The following CDH11 variants were observed in gnomAD, a reference collection of about 807,000 sequenced individuals.
The protein encoded by CDH11 is cadherin 11.
Under a neutral mutation model 67.8 loss-of-function variants are expected in CDH11, and 11 were observed. The observed-to-expected ratio is 0.16, with a 90% CI of 0.10 to 0.27. The LOEUF is 0.27. Ranked by LOEUF, CDH11 falls within the 10% of genes least tolerant of loss-of-function variation. The pLI is 1.00. For missense variants in CDH11, 847 were observed against 1,031.2 expected, an observed-to-expected ratio of 0.82 and a Z score of 2.45; for synonymous variants, 419 against 400.0, an observed-to-expected ratio of 1.05 and a Z score of -0.57.
rs1450832551 is a variant in CDH11, at chr16:65,121,762, T to TA, written c.-298+117dup. ...GTTAGTGAAGCCTTCTCGACTCAGATACCACCGTCCCCCTCACCACCCCGC... is the reference window on the plus strand; with the variant it reads ...GTTAGTGAAGCCTTCTCGACTCAGATAACCACCGTCCCCCTCACCACCCCGC... On this transcript the variant is annotated intron_variant, in intron 1 of 12. Coordinates refer to ENST00000268603, the MANE Select transcript of CDH11 (RefSeq NM_001797.4). This position sits in a 1 kb window ranked among gnomAD's most constrained non-coding sequence, Gnocchi z 4.1. 4.3e-6 allele frequency: 3 copies of TA among 695,912 alleles called. No homozygotes were observed. In the African/African-American group the frequency reaches 5.3e-5, roughly 12 times the overall value. The allele number at this position is 695,912 out of a possible 1,614,324, so 43.1% of individuals were successfully genotyped here.
At chr16:65,098,621 C>T (rs564188840) in intron 1 of CDH11, among the ~76,000 whole-genome samples, 1 of 152,200 alleles carries the variant, frequency 6.6e-6, no homozygotes, top group Admixed American at 6.5e-5. Context: ...CCACCTTGGC[C>T]TCACAAGTTG....
intron 5 of CDH11, among the ~76,000 whole-genome samples, chr16:64,992,672 T>G (rs996612973): frequency 1.3e-5 from 2 of 152,156 alleles, no homozygotes; most frequent in African/African-American, 4.8e-5. Flanking sequence ...TAAAGTTGAG[T>G]TTTTAGATTA....
intron 1 of CDH11, among the ~76,000 whole-genome samples, chr16:65,100,386 G>A (rs1323699032): frequency 1.3e-5 from 2 of 151,808 alleles, no homozygotes; most frequent in Non-Finnish European, 2.9e-5. Flanking sequence ...AGGCTGAGAT[G>A]AGTGACCAAC....
intron 8 of CDH11, among the ~76,000 whole-genome samples, chr16:64,973,884 CAGTT>C (rs1289189575): frequency 6.6e-6 from 1 of 152,074 alleles, no homozygotes; most frequent in Non-Finnish European, 1.5e-5. Flanking sequence ...CAGGGGTTCT[CAGTT>C]AGCTTGGCTC....
intron 1 of CDH11, among the ~76,000 whole-genome samples, chr16:65,058,012 A>C (rs995091514): frequency 1.3e-5 from 2 of 152,136 alleles, no homozygotes; most frequent in Non-Finnish European, 2.9e-5. Flanking sequence ...AGGCAGGAGG[A>C]TCACATGAGC....
rs2071217626 is a variant in CDH11 at position 64,947,243 on chromosome 16, G to T, written c.*360C>A. 9.1e-7 allele frequency: 1 copy of T among 1,104,572 alleles called. No homozygotes were observed. Among genetic ancestry groups the T allele is most frequent in the Non-Finnish European group, 1.1e-6 (1 of 902,490 alleles). 68.4% of individuals were successfully genotyped at this position (1,104,572 alleles called of 1,614,324 possible). ...TGTTGTCCTTTCTAATTTTGTGGAA[G>T]CTTCTTTGACAACTTAAAAAAGAAG... On this transcript the variant is annotated 3_prime_UTR_variant, in exon 13 of 13. Transcript: ENST00000268603.
In CDH11 at chr16:65,061,051, C is replaced by A. The variant is rs77964831; in HGVS notation, c.-297-7123G>T. 2.7e-3 allele frequency among the ~76,000 whole-genome samples: 415 copies of A among 152,340 alleles called. 21 individuals carry two copies. The East Asian group carries it at 0.065, about 24-fold the overall frequency. On this transcript the variant is annotated intron_variant, in intron 1 of 12. Coordinates refer to ENST00000268603, the MANE Select transcript of CDH11 (RefSeq NM_001797.4). ...GTGTGACTTTGATGGAAATTCTCCT[C>A]AGTACCTAGCATAAACTCAGAGGGC...
intron 2 of CDH11, among the ~76,000 whole-genome samples, chr16:65,028,585 C>G (rs1480550062): frequency 1.3e-5 from 2 of 152,186 alleles, no homozygotes; most frequent in Non-Finnish European, 2.9e-5. Flanking sequence ...TGAGATATCC[C>G]AGCCTGTCCT....
At chr16:65,044,687 A>G (rs754052192) in intron 2 of CDH11, among the ~76,000 whole-genome samples, 73 of 152,170 alleles carry the variant, frequency 4.8e-4, no homozygotes, top group Non-Finnish European at 8.8e-4. Context: ...AAGCATCACA[A>G]TGCATTCAGG....
chr16:64,995,195 A>G (rs991315743), intron 4 of CDH11, among the ~76,000 whole-genome samples: 3 of 152,080 alleles, frequency 2.0e-5, no homozygotes, highest in Non-Finnish European at 2.9e-5. Flanking sequence ...TGCTATTTCT[A>G]TCAAACTAGC....
intron 1 of CDH11, among the ~76,000 whole-genome samples, chr16:65,120,791 G>A (rs2075312518): frequency 6.6e-6 from 1 of 152,176 alleles, no homozygotes; most frequent in Non-Finnish European, 1.5e-5. Context: ...GGCGAAAGCA[G>A]GGCCTCGGCA....
intron 11 of CDH11, among the ~76,000 whole-genome samples, chr16:64,953,355 T>C: frequency 6.6e-6 from 1 of 151,872 alleles, no homozygotes; most frequent in Non-Finnish European, 1.5e-5. Context: ...AAATTCTGAA[T>C]ATTGCAGATG....
chr16:65,065,703 T>G lies in CDH11; in HGVS notation c.-297-11775A>C, dbSNP rs142121391. 6.9e-3 allele frequency among the ~76,000 whole-genome samples: 1,044 copies of G among 152,068 alleles called. 4 individuals carry two copies. Among genetic ancestry groups the G allele is most frequent in the Non-Finnish European group, 9.1e-3 (622 of 67,990 alleles). On this transcript the variant is annotated intron_variant, in intron 1 of 12. Transcript: ENST00000268603. ...GGCCCACAGAGGTGAAGGAAGGAGA[T>G]AGAGGAAGATACTCAACAGCATCTT...
chr16:65,042,687 C>T (rs1348971422), intron 2 of CDH11, among the ~76,000 whole-genome samples: 2 of 152,162 alleles, frequency 1.3e-5, no homozygotes, highest in African/African-American at 4.8e-5. Flanking sequence ...CACTTCACTC[C>T]TCCCTTGGAC....
intron 1 of CDH11, among the ~76,000 whole-genome samples, chr16:65,076,369 CA>C (rs2074509477): frequency 6.6e-6 from 1 of 151,912 alleles, no homozygotes; most frequent in African/African-American, 2.4e-5. Flanking sequence ...AAAACAAAAA[CA>C]AAAAACCTCC....
chr16:65,007,536 G>A (rs1040408425), intron 2 of CDH11, among the ~76,000 whole-genome samples: 9 of 152,152 alleles, frequency 5.9e-5, no homozygotes, highest in Non-Finnish European at 8.8e-5. Context: ...CCCAGAGGAC[G>A]GGTTAGATGC....
chr16:65,096,441 GTGTA>G (rs1388329878), intron 1 of CDH11, among the ~76,000 whole-genome samples: 9 of 129,974 alleles, frequency 6.9e-5, no homozygotes, highest in African/African-American at 8.2e-5. Context: ...GTGTGTGTGT[GTGTA>G]TATATATGTT....
At chr16:65,098,568 G>A (rs1045253116) in intron 1 of CDH11, among the ~76,000 whole-genome samples, 2 of 151,866 alleles carry the variant, frequency 1.3e-5, no homozygotes, top group Non-Finnish European at 2.9e-5. Context: ...GTCTCACTAT[G>A]TTGCCCAAGC....
intron 1 of CDH11, among the ~76,000 whole-genome samples, chr16:65,096,725 C>T (rs1784309138): frequency 6.6e-6 from 1 of 150,932 alleles, no homozygotes; most frequent in South Asian, 2.1e-4. Context: ...GTGTGTGTAT[C>T]CTGTTGGTTC....
Sources: gnomAD v4.1 joint callset for allele counts (sites outside exome capture counted in the v4.1 genomes callset) on GRCh38, gnomAD v4.1.1 for gene constraint, Gnocchi (gnomAD v3.1) non-coding constraint, MANE v1.5 for transcripts, NCBI Gene and HGNC (gene_info 2026-07-23, HGNC 2026-07-21) for gene names.